The following ZNF777 variants were observed in gnomAD, a reference collection of about 807,000 sequenced individuals.
ZNF777 encodes zinc finger protein 777.
Under a neutral mutation model 72.1 loss-of-function variants are expected in ZNF777, and 7 were observed. The ratio of observed to expected loss-of-function variants is 0.10; its 90% CI spans 0.06 to 0.18. The LOEUF is 0.18. ZNF777 is among the 10% of genes least tolerant of loss of function. The pLI is 1.00. For synonymous variants in ZNF777, 545 were observed against 483.5 expected (o/e 1.13, Z -1.67); for missense variants, 828 against 1,128.6 (o/e 0.73, Z 3.82).
intron 4 of ZNF777, among the ~76,000 whole-genome samples, chr7:149,444,160 C>T (rs1406256531): frequency 6.6e-6 from 1 of 152,206 alleles, no homozygotes; most frequent in Non-Finnish European, 1.5e-5. Context: ...TGGGTGTTTA[C>T]CTCGCTAGAT....
chr7:149,451,008 G>A lies in ZNF777; in HGVS notation c.1078C>T (p.Pro360Ser), dbSNP rs773101316. 4 of 1,613,450 alleles carry A rather than the reference G, an allele frequency of 2.5e-6. No individual in the cohort carries two copies. The highest frequency in any genetic ancestry group is 1.3e-5 in the African/African-American group (1 of 74,914). The change falls in exon 4 of 6, where the codon CCC (proline) becomes TCC (serine). Residue 360 changes from proline to serine, a missense_variant. Pro to Ser is a moderately conservative substitution (Grantham distance 74). Around this residue, in one of 12 missense-constraint regions of ZNF777, gnomAD observed 73 missense variants for 90.6 expected, o/e 0.81. Coordinates refer to ENST00000247930, the MANE Select transcript of ZNF777 (RefSeq NM_015694.3). ...DSEEGETPTD[P>S]SAAHDGIVIK... is the part of the protein sequence containing the mutation. Reference sequence around the variant, plus strand: ...ACCCTTAGCCACTCACCAGCACTGGGATCTGTCGGCGTTTCGCCCTCCTCA... The same window carrying A: ...ACCCTTAGCCACTCACCAGCACTGGAATCTGTCGGCGTTTCGCCCTCCTCA...
In ZNF777 at chr7:149,432,471, C is replaced by G; in HGVS notation, c.1801G>C (p.Gly601Arg). The G allele has an allele frequency of 6.2e-7, 1 of 1,613,738 alleles. No homozygotes were observed. The highest frequency in any genetic ancestry group is 8.5e-7 in the Non-Finnish European group (1 of 1,179,878). The stretch of plus-strand genomic sequence containing the variant: ...GGCCCGCGTTCGGGTGAGACGCAGC[C>G]TCCGCGCACGCGGTGGATGCGCTGG... ...LHQRIHRVRG[G>R]CVSPERGPTF... The change falls in exon 6 of 6, where the codon GGC becomes CGC. Residue 601 changes from glycine to arginine, a missense_variant. Physicochemically the swap from Gly to Arg is moderately radical, Grantham distance 125. This residue lies in a region of ZNF777 where 100 missense variants were observed against 106.2 expected (regional missense o/e 0.94). Coordinates refer to ENST00000247930, the MANE Select transcript of ZNF777 (RefSeq NM_015694.3).
chr7:149,459,910 C>A (rs1414701872), intron 1 of ZNF777: 30 of 965,612 alleles, frequency 3.1e-5, no homozygotes, highest in Admixed American at 6.2e-5. Context: ...AGAGCAGCCT[C>A]CCTCGCACGG....
chr7:149,443,449 T>C (rs1265593029), intron 4 of ZNF777, among the ~76,000 whole-genome samples: 2 of 152,206 alleles, frequency 1.3e-5, no homozygotes, highest in Non-Finnish European at 2.9e-5. Context: ...ACTTTTTCTT[T>C]GTGAAATTAA....
intron 5 of ZNF777, among the ~76,000 whole-genome samples, chr7:149,434,607 G>C (rs1280843216): frequency 6.6e-6 from 1 of 152,304 alleles, no homozygotes; most frequent in East Asian, 1.9e-4. Context: ...TTTTGAGACT[G>C]AGTCTGGCTC....
At chr7:149,440,291 G>T (rs1799487142) in intron 4 of ZNF777, among the ~76,000 whole-genome samples, 2 of 152,162 alleles carry the variant, frequency 1.3e-5, no homozygotes, top group Admixed American at 6.6e-5. Context: ...TTTTCTGTTT[G>T]GTGACCTGGG....
chr7:149,453,838 C>T (rs568733677), intron 3 of ZNF777, among the ~76,000 whole-genome samples: 10 of 152,328 alleles, frequency 6.6e-5, no homozygotes, highest in East Asian at 3.9e-4. Context: ...AATATGATGA[C>T]GGAGAGACCA....
At chr7:149,453,055 G>C (rs1008446628) in intron 3 of ZNF777, among the ~76,000 whole-genome samples, 1 of 152,148 alleles carries the variant, frequency 6.6e-6, no homozygotes, top group East Asian at 1.9e-4. Context: ...CCCTACATTA[G>C]GTAAAATAAG....
rs1380166463 is a variant in ZNF777, at chr7:149,455,193, T to C, written c.830A>G (p.Asn277Ser). Residue 277 changes from asparagine to serine, a missense_variant, in exon 2 of 6, where the codon AAT (asparagine) becomes AGT (serine). Physicochemically the swap from Asn to Ser is conservative, Grantham distance 46. Transcript: ENST00000247930. The surrounding 1 kb of genome is among the most constrained non-coding windows in gnomAD (Gnocchi z 4.2). The stretch of plus-strand genomic sequence containing the variant: ...TGTGCTTACCTTGGGAACTTCTCCA[T>C]TGCTGCCGGGGGGCAGCCGCAGGAT... ...FWILRLPPGS[N>S]GEVPKVPVTF... 6 of 1,612,672 alleles carry C rather than the reference T, an allele frequency of 3.7e-6. 1 individual carries two copies. The highest frequency in any genetic ancestry group is 3.3e-4 in the Middle Eastern group (2 of 6,072).
chr7:149,440,860 A>AT (rs1173240462), intron 4 of ZNF777, among the ~76,000 whole-genome samples: 1 of 151,940 alleles, frequency 6.6e-6, no homozygotes, highest in Non-Finnish European at 1.5e-5. Flanking sequence ...CCTCAAGAGC[A>AT]TGGGTACCTC....
At chr7:149,453,792 A>C (rs1219510248) in intron 3 of ZNF777, among the ~76,000 whole-genome samples, 1 of 152,180 alleles carries the variant, frequency 6.6e-6, no homozygotes, top group Non-Finnish European at 1.5e-5. Flanking sequence ...TTGCTGGACA[A>C]ACTAATTTAT....
Position 149,432,505 on chromosome 7 carries a change from G to C in ZNF777, c.1767C>G (p.Leu589=). ...CEISFRHKQQ[L]TLHQRIHRVR... ...CGCGGTGGATGCGCTGGTGCAGCGT[G>C]AGCTGTTGCTTGTGCCGGAAGCTGA... Residue 589 remains leucine (L), a synonymous_variant, in exon 6 of 6, where the codon CTC becomes CTG. Transcript: ENST00000247930. The C allele has an allele frequency of 6.2e-7, 1 of 1,613,862 alleles. No homozygotes were observed. The highest frequency in any genetic ancestry group is 8.5e-7 in the Non-Finnish European group (1 of 1,179,860).
chr7:149,447,186 G>GC (rs1799619090), intron 4 of ZNF777, among the ~76,000 whole-genome samples: 1 of 152,102 alleles, frequency 6.6e-6, no homozygotes, highest in Non-Finnish European at 1.5e-5. Context: ...CCCCGAATCT[G>GC]CCCCAAAAGC....
intron 4 of ZNF777, among the ~76,000 whole-genome samples, chr7:149,437,805 C>CTT (rs898319193): frequency 3.7e-5 from 4 of 108,176 alleles, no homozygotes; most frequent in Non-Finnish European, 5.3e-5. Flanking sequence ...GTTTCTTTTT[C>CTT]TTTTTTTTTT....
Position 149,436,836 on chromosome 7 carries a change from G to C in ZNF777, c.1088-10C>G. The C allele has an allele frequency of 6.3e-7, 1 of 1,599,816 alleles. No individual in the cohort carries two copies. The highest frequency in any genetic ancestry group is 2.3e-5 in the East Asian group (1 of 44,406). ...ACGATCCCATCGTGCGCTGAGAGAG[G>C]GTGGGCAGGGGTGAGGAGGAGAAAA... On this transcript the variant is annotated splice_polypyrimidine_tract_variant and intron_variant, in intron 4 of 5. Transcript: ENST00000247930. The surrounding 1 kb of genome is among the most constrained non-coding windows in gnomAD (Gnocchi z 5.0).
In ZNF777 at chr7:149,432,886, C is replaced by T. The variant is rs1563232835; in HGVS notation, c.1386G>A (p.Glu462=). 4 of 1,536,944 alleles carry T rather than the reference C, an allele frequency of 2.6e-6. No individual in the cohort carries two copies. Among genetic ancestry groups the T allele is most frequent in the Non-Finnish European group, 3.5e-6 (4 of 1,143,062 alleles). ...GCTGCGGCAGCTCATCCTCCTCCTC[C>T]TCTTCTTCCTCCTCGTCTTGTTCCT... ...KTEEQDEEEE[E]EEEDELPQHL... Residue 462 remains glutamate, a synonymous_variant, in exon 6 of 6, where the codon GAG becomes GAA. Transcript: ENST00000247930.
At chr7:149,459,850 C>A (rs1270565729) in intron 1 of ZNF777, 1 of 984,464 alleles carries the variant, frequency 1.0e-6, no homozygotes, top group Non-Finnish European at 1.2e-6. Flanking sequence ...GGAGCGAGCG[C>A]GCCTCCGGGC....
In ZNF777 at chr7:149,432,553, G is replaced by A. The variant is rs1799333564; in HGVS notation, c.1719C>T (p.Pro573=). Residue 573 remains proline (P), a synonymous_variant, in exon 6 of 6, where the codon CCC becomes CCT. Transcript: ENST00000247930. The stretch of plus-strand genomic sequence containing the variant: ...TGATCTCGCATTCGGCGCACTCGTA[G>A]GGCCCCTCCTTGATGTGGTTGCGCT... ...IHQRNHIKEG[P]YECAECEISF... is the part of the protein sequence containing the mutation. 2 of 1,613,704 alleles carry A rather than the reference G, an allele frequency of 1.2e-6. No homozygotes were observed. Among genetic ancestry groups the A allele is most frequent in the Non-Finnish European group, 1.7e-6 (2 of 1,179,858 alleles).
At chr7:149,456,077 C>T in intron 1 of ZNF777, 40 bp from the exon 2 acceptor site, 1 of 1,503,932 alleles carries the variant, frequency 6.6e-7, no homozygotes. Context: ...TTAAAGGCCA[C>T]AGTCTCCAGC....
Sources: allele counts gnomAD v4.1 joint callset (sites outside exome capture counted in the v4.1 genomes callset), GRCh38; gene constraint gnomAD v4.1.1; regional missense constraint gnomAD v4.1.1; non-coding constraint Gnocchi (gnomAD v3.1); transcripts MANE v1.5; gene names NCBI Gene and HGNC (gene_info 2026-07-23, HGNC 2026-07-21).